NEBL: variants seen among roughly 807,000 people sequenced by gnomAD.
The protein encoded by NEBL is nebulette, also known as LIM and SH3 protein 2.
A neutral mutation model predicts 140.2 loss-of-function variants in NEBL; 122 were observed. That is an observed-to-expected ratio of 0.87 (90% CI 0.75 to 1.01). NEBL has a LOEUF of 1.01. Ranked by LOEUF, NEBL falls within the 50% of genes least tolerant of loss-of-function variation. The pLI, the probability that NEBL is intolerant of heterozygous loss-of-function variation, is 0.00. For synonymous variants in NEBL, 436 were observed against 398.9 expected (o/e 1.09, Z -1.11); for missense variants, 1,365 against 1,231.3 (o/e 1.11, Z -1.62).
chr10:20,946,163 C>T (rs964406141), intron 4 of NEBL, among the ~76,000 whole-genome samples: 2 of 152,128 alleles, frequency 1.3e-5, no homozygotes, highest in Non-Finnish European at 2.9e-5. Flanking sequence ...TAAATGAGGA[C>T]AACGAAGGTG....
intron 1 of NEBL, among the ~76,000 whole-genome samples, chr10:21,279,936 T>C (rs1203143939): frequency 6.6e-6 from 1 of 152,066 alleles, no homozygotes; most frequent in African/African-American, 2.4e-5. Flanking sequence ...AAGTATCAGA[T>C]CTACTTCTTA....
intron 3 of NEBL, among the ~76,000 whole-genome samples, chr10:20,988,861 G>T (rs1589112809): frequency 6.6e-6 from 1 of 152,198 alleles, no homozygotes; most frequent in African/African-American, 2.4e-5. Context: ...CTTCTTGGGA[G>T]CATTTGAGCA....
At chr10:21,032,029 T>C (rs931180925) in intron 2 of NEBL, among the ~76,000 whole-genome samples, 7 of 152,336 alleles carry the variant, frequency 4.6e-5, no homozygotes, top group African/African-American at 1.7e-4. Flanking sequence ...TAAAATGTCC[T>C]AGGAAATGGT....
Position 21,048,388 on chromosome 10 carries a change from A to G in NEBL, c.165-28187T>C, listed in dbSNP as rs141237260. Among the ~76,000 whole-genome samples the G allele has an allele frequency of 1.4e-3, 216 of 151,952 alleles. 1 individual carries two copies. The highest frequency in any genetic ancestry group is 4.6e-3 in the African/African-American group (190 of 41,416). On this transcript the variant is annotated intron_variant, in intron 2 of 6. Transcript: ENST00000417816. ...GCAGCTTCTGATGGTTGCCACTCAG[A>G]AAATCTCCCGGGGCGGTCTTCTTCC...
chr10:20,809,991 A>C (rs1837983299), intron 24 of NEBL, 93 bp from the exon 25 acceptor site: 6 of 871,930 alleles, frequency 6.9e-6, no homozygotes, highest in Non-Finnish European at 1.1e-5. Context: ...GAGTCAAGAC[A>C]AAGTCTGCAA....
intron 4 of NEBL, among the ~76,000 whole-genome samples, chr10:20,914,178 AAGAGACAT>A (rs1848440735): frequency 6.6e-6 from 1 of 152,226 alleles, no homozygotes; most frequent in Non-Finnish European, 1.5e-5. Flanking sequence ...CGTTTGAACT[AAGAGACAT>A]TTAGCTGTGG....
intron 19 of NEBL, among the ~76,000 whole-genome samples, chr10:20,820,449 A>C (rs573255321): frequency 5.5e-4 from 84 of 152,354 alleles, no homozygotes; most frequent in Middle Eastern, 3.4e-3. Context: ...GGACAGTTTT[A>C]GTGTCTTTTT....
intron 4 of NEBL, among the ~76,000 whole-genome samples, chr10:20,942,574 C>A (rs1390097132): frequency 1.3e-5 from 2 of 152,096 alleles, no homozygotes; most frequent in African/African-American, 4.8e-5. Flanking sequence ...GCAATAAAAG[C>A]CAAAATTGGC....
chr10:21,230,955 AT>A (rs1478504434), intron 3 of NEBL, among the ~76,000 whole-genome samples: 1 of 152,148 alleles, frequency 6.6e-6, no homozygotes, highest in African/African-American at 2.4e-5. Flanking sequence ...TCCATTTCTT[AT>A]TAATCATTTA....
Position 20,969,186 on chromosome 10 carries a change from T to A in NEBL, c.250-7407A>T, listed in dbSNP as rs74721974. ...TTAAGAGTTTTTTTTAAGGTGAAGTTAATTTTAGCAAATGTTAAGTCAAAG... is the reference window on the plus strand; with the variant it reads ...TTAAGAGTTTTTTTTAAGGTGAAGTAAATTTTAGCAAATGTTAAGTCAAAG... On this transcript the variant is annotated intron_variant, in intron 3 of 6. Coordinates refer to the NEBL transcript ENST00000417816. Among the ~76,000 whole-genome samples the A allele has an allele frequency of 1.6e-4, 25 of 152,332 alleles. No individual in the cohort carries two copies. In the East Asian group the frequency reaches 4.8e-3, roughly 29 times the overall value.
chr10:20,907,833 T>C (rs1461841584), intron 4 of NEBL, among the ~76,000 whole-genome samples: 1 of 152,176 alleles, frequency 6.6e-6, no homozygotes, highest in Non-Finnish European at 1.5e-5. Flanking sequence ...GCCAGCACAA[T>C]TGGTACTTTA....
intron 8 of NEBL, among the ~76,000 whole-genome samples, chr10:20,859,271 A>C (rs991181858): frequency 6.6e-6 from 1 of 152,092 alleles, no homozygotes; most frequent in African/African-American, 2.4e-5. Flanking sequence ...CATTTTCACA[A>C]GGGATAAAAA....
intron 26 of NEBL, among the ~76,000 whole-genome samples, chr10:20,788,960 A>G (rs567159974): frequency 6.6e-6 from 1 of 152,310 alleles, no homozygotes; most frequent in African/African-American, 2.4e-5. Context: ...CACAGAGCAT[A>G]CTGCATTTCC....
In NEBL at chr10:21,002,785, GC is replaced by G. The variant is rs532862692; in HGVS notation, c.249+17331del. On this transcript the variant is annotated intron_variant, in intron 3 of 6. Coordinates refer to the NEBL transcript ENST00000417816. ...CACGAGAACAACAAGGGGGAAATCTGCCCCCATGATTCAATCACCTCCCACC... is the reference window on the plus strand; with the variant it reads ...CACGAGAACAACAAGGGGGAAATCTGCCCCATGATTCAATCACCTCCCACC... Among the ~76,000 whole-genome samples, 352 of 152,156 alleles carry G rather than the reference GC, an allele frequency of 2.3e-3. 2 individuals are homozygous for G. Among genetic ancestry groups the G allele is most frequent in the African/African-American group, 8.2e-3 (341 of 41,504 alleles).
chr10:20,906,321 CCTT>C (rs1848091564), intron 4 of NEBL, among the ~76,000 whole-genome samples: 1 of 152,094 alleles, frequency 6.6e-6, no homozygotes, highest in Admixed American at 6.6e-5. Flanking sequence ...ACTGAGGAAT[CCTT>C]CTTCCTGAAA....
At chr10:21,284,945 T>A (rs1843037004) in intron 1 of NEBL, among the ~76,000 whole-genome samples, 1 of 152,136 alleles carries the variant, frequency 6.6e-6, no homozygotes, top group Non-Finnish European at 1.5e-5. Context: ...GTGCCTGTAA[T>A]CCCAGCTACT....
chr10:20,872,118 G>A (rs540657745), intron 5 of NEBL, among the ~76,000 whole-genome samples: 1 of 152,256 alleles, frequency 6.6e-6, no homozygotes, highest in African/African-American at 2.4e-5. Flanking sequence ...AGAAATCTAA[G>A]CTTTACATGG....
intron 3 of NEBL, among the ~76,000 whole-genome samples, chr10:21,239,183 C>G (rs142680680): frequency 6.6e-6 from 1 of 152,004 alleles, no homozygotes; most frequent in South Asian, 2.1e-4. Flanking sequence ...GCCCAAAGCC[C>G]CTGAATAATA....
intron 3 of NEBL, among the ~76,000 whole-genome samples, chr10:20,968,470 C>T (rs1836428050): frequency 6.6e-6 from 1 of 152,016 alleles, no homozygotes; most frequent in African/African-American, 2.4e-5. Flanking sequence ...ATGTTCACAC[C>T]ATTGCACTCC....
Sources: allele counts gnomAD v4.1 joint callset (sites outside exome capture counted in the v4.1 genomes callset), GRCh38; gene constraint gnomAD v4.1.1; transcripts MANE v1.5; gene names NCBI Gene and HGNC (gene_info 2026-07-23, HGNC 2026-07-21).